The following APP variants were observed in gnomAD, a reference collection of about 807,000 sequenced individuals.
APP encodes the protein amyloid-beta precursor protein.
Under a neutral mutation model 101.4 loss-of-function variants are expected in APP, and 31 were observed. That is an observed-to-expected ratio of 0.31 (90% confidence interval 0.23 to 0.41). APP has a LOEUF of 0.41. APP is among the 10% of genes least tolerant of loss of function. The pLI, the probability that APP is intolerant of heterozygous loss-of-function variation, is 1.00. For synonymous variants in APP, 366 were observed against 364.4 expected (o/e 1.00, Z -0.05); for missense variants, 839 against 1,003.7 (o/e 0.84, Z 2.22).
chr21:26,160,899 C>T (rs1009023712), intron 1 of APP, among the ~76,000 whole-genome samples: 2 of 151,946 alleles, frequency 1.3e-5, no homozygotes, highest in Admixed American at 6.5e-5. Context: ...AATGACTGAA[C>T]GTGATGTATT....
chr21:26,005,358 G>A (rs181057317), intron 6 of APP, among the ~76,000 whole-genome samples: 1 of 152,274 alleles, frequency 6.6e-6, no homozygotes, highest in African/African-American at 2.4e-5. Context: ...ACATTGCAGT[G>A]AGCCAAAATA....
At chr21:25,894,479 C>T (rs1008193538) in intron 16 of APP, among the ~76,000 whole-genome samples, 2 of 152,230 alleles carry the variant, frequency 1.3e-5, no homozygotes, top group South Asian at 2.1e-4. Flanking sequence ...TCAGCAATAA[C>T]GGGAGTTTGG....
chr21:26,034,845 A>G (rs2045025987), intron 5 of APP, among the ~76,000 whole-genome samples: 1 of 152,088 alleles, frequency 6.6e-6, no homozygotes, highest in African/African-American at 2.4e-5. Flanking sequence ...GGAAAAAGAT[A>G]AGCTCCCTGT....
At chr21:25,952,623 T>C (rs992324707) in intron 13 of APP, among the ~76,000 whole-genome samples, 1 of 152,192 alleles carries the variant, frequency 6.6e-6, no homozygotes, top group African/African-American at 2.4e-5. Flanking sequence ...AATTGCTGGG[T>C]GAGGGTGGAA....
At chr21:25,899,591 G>A (rs1354068536) in intron 15 of APP, among the ~76,000 whole-genome samples, 1 of 152,122 alleles carries the variant, frequency 6.6e-6, no homozygotes, top group South Asian at 2.1e-4. Flanking sequence ...ACAGTGACGT[G>A]AGTGAGCCAC....
At chr21:26,048,562 T>C (rs1326537935) in intron 5 of APP, among the ~76,000 whole-genome samples, 2 of 152,102 alleles carry the variant, frequency 1.3e-5, no homozygotes, top group African/African-American at 2.4e-5. Context: ...CCAAAAGCTA[T>C]GAAAAAAAAT....
intron 2 of APP, among the ~76,000 whole-genome samples, chr21:26,098,053 C>G (rs771518023): frequency 4.6e-4 from 64 of 138,614 alleles, no homozygotes; most frequent in Non-Finnish European, 8.8e-4. Context: ...GCACTCCAGC[C>G]TGCGAGGCAG....
At chr21:26,065,461 A>AT (rs1418651743) in intron 3 of APP, among the ~76,000 whole-genome samples, 1 of 152,158 alleles carries the variant, frequency 6.6e-6, no homozygotes, top group Non-Finnish European at 1.5e-5. Context: ...TGGCATTTAA[A>AT]TTTTTTAAAA....
chr21:25,882,281 A>G (rs999512133), intron 17 of APP, among the ~76,000 whole-genome samples: 6 of 151,238 alleles, frequency 4.0e-5, no homozygotes, highest in Admixed American at 6.6e-5. Flanking sequence ...GCCCATTTCT[A>G]TCAAATTTTA....
chr21:25,964,815 G>A (rs1176778091), intron 11 of APP, among the ~76,000 whole-genome samples: 1 of 151,998 alleles, frequency 6.6e-6, no homozygotes, highest in Non-Finnish European at 1.5e-5. Context: ...GGTCCGGCTG[G>A]TCTTGAACTC....
At chr21:25,898,044 T>C in intron 15 of APP, 1 of 262,218 alleles carries the variant, frequency 3.8e-6, no homozygotes, top group East Asian at 1.0e-4. Context: ...TATGTGTCTT[T>C]TTCCATGTGC....
chr21:25,905,666 G>C lies in APP; in HGVS notation c.1910-589C>G, dbSNP rs2038751402. 2.0e-5 allele frequency among the ~76,000 whole-genome samples: 3 copies of C among 152,302 alleles called. No homozygotes were observed. In the South Asian group the frequency reaches 6.2e-4, roughly 32 times the overall value. ...AGTCTTTTTCTCACTTTTTCAAAAAGGCTGGCTTCCATTTGACAGATGACA... is the reference window on the plus strand; with the variant it reads ...AGTCTTTTTCTCACTTTTTCAAAAACGCTGGCTTCCATTTGACAGATGACA... On this transcript the variant is annotated intron_variant, in intron 14 of 17. Transcript: ENST00000346798.
chr21:25,942,877 A>G (rs2040636645), intron 13 of APP, among the ~76,000 whole-genome samples: 1 of 152,126 alleles, frequency 6.6e-6, no homozygotes, highest in African/African-American at 2.4e-5. Context: ...ACGATGCATC[A>G]CGGCCATCCA....
At chr21:25,981,862 T>C (rs1373509041) in intron 9 of APP, among the ~76,000 whole-genome samples, 1 of 152,162 alleles carries the variant, frequency 6.6e-6, no homozygotes, top group Non-Finnish European at 1.5e-5. Context: ...TCTATTCCAC[T>C]ATGTATCACT....
chr21:25,961,059 T>A (rs1423428153), intron 11 of APP, among the ~76,000 whole-genome samples: 1 of 152,172 alleles, frequency 6.6e-6, no homozygotes. Flanking sequence ...CCCAAATCAC[T>A]AAGCTAAAGG....
intron 13 of APP, chr21:25,943,127 A>G (rs1230465095): frequency 1.3e-5 from 2 of 152,154 alleles, no homozygotes; most frequent in African/African-American, 4.8e-5. Context: ...TAATTTTAGT[A>G]TATGTGCTGC....
At chr21:25,928,371 A>AAACAAAC (rs978107528) in intron 13 of APP, among the ~76,000 whole-genome samples, 16 of 151,844 alleles carry the variant, frequency 1.1e-4, no homozygotes, top group African/African-American at 3.6e-4. Context: ...ACAAACAAAC[A>AAACAAAC]AAAAAACCAA....
intron 3 of APP, among the ~76,000 whole-genome samples, chr21:26,072,436 G>GT (rs1291080191): frequency 1.3e-5 from 2 of 151,918 alleles, no homozygotes; most frequent in Non-Finnish European, 2.9e-5. Flanking sequence ...GACCACATCT[G>GT]TTTTTTTAAA....
At chr21:26,059,890 C>CAAAAAAAAAAAAAAA (rs57594630) in intron 3 of APP, among the ~76,000 whole-genome samples, 15 of 70,660 alleles carry the variant, frequency 2.1e-4, no homozygotes, top group South Asian at 6.8e-4. Flanking sequence ...GACTCCGTCT[C>CAAAAAAAAAAAAAAA]AAAAAAAAAA....
Sources: allele counts gnomAD v4.1 joint callset (sites outside exome capture counted in the v4.1 genomes callset), GRCh38; gene constraint gnomAD v4.1.1; transcripts MANE v1.5; gene names NCBI Gene and HGNC (gene_info 2026-07-23, HGNC 2026-07-21).